SORCS2: variants seen among roughly 807,000 people sequenced by gnomAD.
The protein encoded by SORCS2 is VPS10 domain-containing receptor SorCS2.
SORCS2 carries 100 observed loss-of-function variants against 141.6 expected under a neutral mutation model. That is an observed-to-expected ratio of 0.71 (90% CI 0.60 to 0.83). The LOEUF is 0.83. SORCS2 is among the 40% of genes least tolerant of loss of function. The pLI is 0.00. For missense variants in SORCS2, 1,646 were observed against 1,560.2 expected (o/e 1.05, Z -0.93); for synonymous variants, 789 against 676.9 (o/e 1.17, Z -2.57).
chr4:7,359,282 C>T lies in SORCS2; in HGVS notation c.481-37006C>T, dbSNP rs561497222. 2.9e-3 allele frequency among the ~76,000 whole-genome samples: 433 copies of T among 151,398 alleles called. 1 individual carries two copies. Among genetic ancestry groups the T allele is most frequent in the African/African-American group, 9.4e-3 (388 of 41,162 alleles). ...CTGCATTCCAGCCTGGGCAACAGAG[C>T]GAGACTCTGTTAAGCAAACAAGCAA... On this transcript the variant is annotated intron_variant, in intron 1 of 26. Coordinates refer to ENST00000507866, the MANE Select transcript of SORCS2 (RefSeq NM_020777.3).
In SORCS2 at chr4:7,712,586, T is replaced by C. The variant is rs150456281; in HGVS notation, c.1869-147T>C. The C allele has an allele frequency of 8.0e-3, 9,676 of 1,212,576 alleles. 67 individuals are homozygous for C. The highest frequency in any genetic ancestry group is 9.5e-3 in the Non-Finnish European group (8,141 of 859,830). The allele number at this position is 1,212,576 out of a possible 1,614,324, so 75.1% of individuals were successfully genotyped here. A position where few individuals can be genotyped will look rare whatever the true frequency, so the allele number is the denominator to read the frequency against. ...GCCAGGCTCGGTGACCGGGGCAGCCTCGCTCTGATCTCCAGCAAGGGCAGG... is the reference window on the plus strand; with the variant it reads ...GCCAGGCTCGGTGACCGGGGCAGCCCCGCTCTGATCTCCAGCAAGGGCAGG... On this transcript the variant is annotated intron_variant, in intron 14 of 26. Transcript: ENST00000507866.
intron 1 of SORCS2, among the ~76,000 whole-genome samples, chr4:7,250,973 G>T (rs191966976): frequency 5.3e-4 from 81 of 152,372 alleles, no homozygotes; most frequent in African/African-American, 1.9e-3. Context: ...GAGGACGCTG[G>T]AGTGGGCATT....
intron 3 of SORCS2, among the ~76,000 whole-genome samples, chr4:7,547,264 G>T (rs555282701): frequency 1.3e-5 from 2 of 152,032 alleles, no homozygotes; most frequent in Non-Finnish European, 2.9e-5. Context: ...CACTACCTTC[G>T]CTACTGTCTC....
Position 7,434,027 on chromosome 4 carries a change from C to T in SORCS2, c.548+37672C>T, listed in dbSNP as rs201824308. ...GTCACACCGGCCTTCATCTGCATCT[C>T]GCTCTGTTTCCTTGGCAACCCCAGC... On this transcript the variant is annotated intron_variant, in intron 2 of 26. Coordinates refer to ENST00000507866, the MANE Select transcript of SORCS2 (RefSeq NM_020777.3). 8.9e-5 allele frequency: 143 copies of T among 1,611,636 alleles called. No individual in the cohort carries two copies. The African/African-American group carries it at 1.5e-3, about 17-fold the overall frequency.
intron 22 of SORCS2, 46 bp downstream of exon 22, chr4:7,728,508 G>A (rs368078175): frequency 2.8e-5 from 40 of 1,444,232 alleles, no homozygotes; most frequent in Middle Eastern, 1.8e-4. Flanking sequence ...CGGTGCTTCC[G>A]GCATCCAGAG....
chr4:7,503,495 TAGAGAGAC>T (rs1301715989), intron 2 of SORCS2, among the ~76,000 whole-genome samples: 2 of 151,510 alleles, frequency 1.3e-5, no homozygotes, highest in South Asian at 2.1e-4. Flanking sequence ...GGCAGAGACA[TAGAGAGAC>T]AGAGATGGAG....
intron 2 of SORCS2, among the ~76,000 whole-genome samples, chr4:7,407,107 G>T (rs144326066): frequency 7.9e-5 from 12 of 152,162 alleles, no homozygotes; most frequent in African/African-American, 2.6e-4. Context: ...CTAAGATATG[G>T]TCTATTCTGG....
At chr4:7,634,337 C>T (rs907510146) in intron 3 of SORCS2, among the ~76,000 whole-genome samples, 2 of 150,850 alleles carry the variant, frequency 1.3e-5, no homozygotes, top group African/African-American at 2.4e-5. Flanking sequence ...CGTGCCGCTG[C>T]ACTCCAGCCT....
At chr4:7,249,186 T>C (rs553464187) in intron 1 of SORCS2, among the ~76,000 whole-genome samples, 13 of 152,312 alleles carry the variant, frequency 8.5e-5, no homozygotes, top group Middle Eastern at 3.4e-3. Context: ...CTGGAGTCCT[T>C]TGAGGCTCAA....
intron 1 of SORCS2, among the ~76,000 whole-genome samples, chr4:7,227,672 A>G (rs2108770823): frequency 6.6e-6 from 1 of 151,936 alleles, no homozygotes; most frequent in South Asian, 2.1e-4. Context: ...AGCCTCACCC[A>G]CCGCGCTGCT....
chr4:7,362,121 A>AG (rs1412351119), intron 1 of SORCS2, among the ~76,000 whole-genome samples: 1 of 152,178 alleles, frequency 6.6e-6, no homozygotes, highest in Admixed American at 6.5e-5. Flanking sequence ...GGAAGGGCCT[A>AG]GGGAACAGCC....
At chr4:7,280,494 C>T (rs906766660) in intron 1 of SORCS2, among the ~76,000 whole-genome samples, 10 of 152,294 alleles carry the variant, frequency 6.6e-5, no homozygotes, top group South Asian at 2.1e-4. Context: ...TCTTTTACTT[C>T]TTGCAGAAGG....
chr4:7,653,943 C>G (rs570593930), intron 4 of SORCS2, among the ~76,000 whole-genome samples, 191 bp from the exon 5 acceptor site: 61 of 152,338 alleles, frequency 4.0e-4, no homozygotes, highest in African/African-American at 1.4e-3. Flanking sequence ...GGCCCGGGGA[C>G]AGGAATGGTT....
intron 9 of SORCS2, among the ~76,000 whole-genome samples, chr4:7,681,783 T>C (rs1253709230): frequency 6.6e-6 from 1 of 152,218 alleles, no homozygotes; most frequent in Non-Finnish European, 1.5e-5. Flanking sequence ...ATAGAAGCAC[T>C]TAATAACTGT....
intron 17 of SORCS2, among the ~76,000 whole-genome samples, chr4:7,716,089 G>A (rs566883407): frequency 6.6e-6 from 1 of 151,956 alleles, no homozygotes; most frequent in South Asian, 2.1e-4. Flanking sequence ...CATGTAAAAT[G>A]TTAGGTACAT....
intron 8 of SORCS2, among the ~76,000 whole-genome samples, chr4:7,674,275 G>A (rs887431657): frequency 6.6e-6 from 1 of 151,988 alleles, no homozygotes; most frequent in Non-Finnish European, 1.5e-5. Flanking sequence ...GGGCTGCATG[G>A]TAGCTCCAAA....
At chr4:7,543,768 C>CCACT (rs1712954501) in intron 3 of SORCS2, among the ~76,000 whole-genome samples, 3 of 110,944 alleles carry the variant, frequency 2.7e-5, no homozygotes, top group African/African-American at 1.1e-4. Flanking sequence ...ACCCACCCAT[C>CCACT]CGTCCATCCA....
chr4:7,364,112 C>T (rs1434712911), intron 1 of SORCS2, among the ~76,000 whole-genome samples: 1 of 151,750 alleles, frequency 6.6e-6, no homozygotes, highest in Non-Finnish European at 1.5e-5. Flanking sequence ...ATCATTGTCA[C>T]CATCACCACC....
chr4:7,650,768 C>CAGCCCAGCCCAGCCT (rs1560456388), intron 4 of SORCS2, among the ~76,000 whole-genome samples: 2 of 145,260 alleles, frequency 1.4e-5, no homozygotes, highest in Non-Finnish European at 3.0e-5. Context: ...CAGCCCAGCC[C>CAGCCCAGCCCAGCCT]AGCCCAGCCT....
Sources: gnomAD v4.1 joint callset for allele counts (sites outside exome capture counted in the v4.1 genomes callset) on GRCh38, gnomAD v4.1.1 for gene constraint, MANE v1.5 for transcripts, NCBI Gene and HGNC (gene_info 2026-07-23, HGNC 2026-07-21) for gene names.